ZFP90: variants seen among roughly 807,000 people sequenced by gnomAD.
The protein encoded by ZFP90 is ZFP90 zinc finger protein.
In ZFP90, 38 loss-of-function variants were observed where a neutral mutation model predicts 60.8. The ratio of observed to expected loss-of-function variants is 0.62; its 90% CI spans 0.48 to 0.82. The LOEUF is 0.82. Ranked by LOEUF, ZFP90 falls within the 40% of genes least tolerant of loss-of-function variation. ZFP90 has a pLI of 0.00. For missense variants in ZFP90, 711 were observed against 759.1 expected (o/e 0.94, Z 0.74); for synonymous variants, 287 against 264.8 (o/e 1.08, Z -0.82).
chr16:68,572,603 G>C (rs1207433562), intron 2 of ZFP90, among the ~76,000 whole-genome samples: 1 of 152,200 alleles, frequency 6.6e-6, no homozygotes. Context: ...ATCCAGAGGA[G>C]ATGGGCCTCA....
chr16:68,564,279 CAATGT>C lies in ZFP90; in HGVS notation c.1499_1503del (p.Asn500MetfsTer25). On this transcript the variant is annotated frameshift_variant, in exon 5 of 5. Coordinates refer to ENST00000563169, the MANE Select transcript of ZFP90 (RefSeq NM_001305203.2). LOFTEE classifies it high-confidence loss of function. Reference sequence around the variant, plus strand: ...TTCTCATCCTGGAGAGAAACCCTATCAATGTAATGTATGTGGGAAAGCTTTCAAAA... The same window carrying C: ...TTCTCATCCTGGAGAGAAACCCTATCAATGTATGTGGGAAAGCTTTCAAAA... The C allele has an allele frequency of 6.2e-7, 1 of 1,613,982 alleles. No homozygotes were observed. The highest frequency in any genetic ancestry group is 8.5e-7 in the Non-Finnish European group (1 of 1,179,974).
At chr16:68,569,440 G>A (rs2091555686), downstream of ZFP90, among the ~76,000 whole-genome samples, 1 of 152,132 alleles carries the variant, frequency 6.6e-6, no homozygotes, top group South Asian at 2.1e-4. Context: ...CAGCTGATTA[G>A]TCCCACTTTT....
chr16:68,553,711 C>T (rs1017759771), intron 2 of ZFP90, among the ~76,000 whole-genome samples: 3 of 152,106 alleles, frequency 2.0e-5, no homozygotes, highest in Non-Finnish European at 4.4e-5. Flanking sequence ...CTTGAACTCC[C>T]GGGCTCAAGC....
intron 3 of ZFP90, 70 bp downstream of exon 3, chr16:68,558,194 T>G: frequency 3.1e-6 from 5 of 1,590,800 alleles, no homozygotes; most frequent in Non-Finnish European, 4.3e-6. Flanking sequence ...ATAGTGGTGG[T>G]GCCCAGAGCT....
rs765427432 is a variant in ZFP90, at chr16:68,539,397, G to A, written c.-118G>A. On this transcript the variant is annotated 5_prime_UTR_variant, in exon 1 of 5. Coordinates refer to ENST00000563169, the MANE Select transcript of ZFP90 (RefSeq NM_001305203.2). Reference sequence around the variant, plus strand: ...CAGAATTGGAGATAACCGAGGCTTCGGCGGGGGCGGGAGGAGCTGCCCGAG... The same window carrying A: ...CAGAATTGGAGATAACCGAGGCTTCAGCGGGGGCGGGAGGAGCTGCCCGAG... 1 of 277,734 alleles carries A rather than the reference G, an allele frequency of 3.6e-6. No individual in the cohort carries two copies. The highest frequency in any genetic ancestry group is 5.3e-5 in the Admixed American group (1 of 18,840). The allele number at this position is 277,734 out of a possible 1,614,324, so 17.2% of individuals were successfully genotyped here. A position where few individuals can be genotyped will look rare whatever the true frequency, so the allele number is the denominator to read the frequency against.
At chr16:68,559,020 C>G (rs1336871178) in intron 4 of ZFP90, among the ~76,000 whole-genome samples, 4 of 152,182 alleles carry the variant, frequency 2.6e-5, no homozygotes, top group Non-Finnish European at 4.4e-5. Flanking sequence ...CCTTCCATCT[C>G]ATGTTCATGC....
chr16:68,572,685 G>A (rs2091574351), intron 2 of ZFP90, among the ~76,000 whole-genome samples: 2 of 152,198 alleles, frequency 1.3e-5, no homozygotes, highest in Non-Finnish European at 2.9e-5. Context: ...TGAGATATTG[G>A]GAGATCTGAA....
upstream of ZFP90, among the ~76,000 whole-genome samples, chr16:68,536,369 A>G (rs2090960788): frequency 6.6e-6 from 1 of 152,106 alleles, no homozygotes; most frequent in African/African-American, 2.4e-5. Context: ...CAGTGGCACG[A>G]TCTCAGCTCA....
At position 68,539,659 on chromosome 16, in the gene ZFP90, T is replaced by A. The variant is rs200513873; in HGVS notation, c.-35-99T>A. The A allele has an allele frequency of 2.2e-3, 1,914 of 887,498 alleles. 3 individuals are homozygous for A. Among genetic ancestry groups the A allele is most frequent in the Non-Finnish European group, 2.8e-3 (1,798 of 650,950 alleles). 55.0% of individuals were successfully genotyped at this position (887,498 alleles called of 1,614,324 possible). On this transcript the variant is annotated intron_variant, in intron 1 of 4. Coordinates refer to ENST00000563169, the MANE Select transcript of ZFP90 (RefSeq NM_001305203.2). ...TGGTTCCACGGTCCTCGCCACCATC[T>A]CCCCTGGAGATGTGGTTTAGGGGCG...
chr16:68,569,746 C>CA (rs60296047), downstream of ZFP90, among the ~76,000 whole-genome samples: 5,193 of 149,474 alleles, frequency 0.035, 280 homozygotes, highest in African/African-American at 0.12. Flanking sequence ...ACCAAAAATG[C>CA]AAAAAAAAAT....
upstream of ZFP90, among the ~76,000 whole-genome samples, chr16:68,534,863 T>C (rs1728782): frequency 0.77 from 116,374 of 151,854 alleles, 44,689 homozygotes; most frequent in East Asian, 0.82. Flanking sequence ...GCTGAGATCA[T>C]GCCACTGTAC....
At position 68,539,488 on chromosome 16, in the gene ZFP90, G is replaced by A. The variant is rs572394301; in HGVS notation, c.-36+9G>A. 1.2e-4 allele frequency: 55 copies of A among 442,490 alleles called. No homozygotes were observed. The East Asian group carries it at 1.9e-3, about 15-fold the overall frequency. The allele number at this position is 442,490 out of a possible 1,614,324, so 27.4% of individuals were successfully genotyped here. ...AGAGGCGGTGATTCTGAGTGCGCGG[G>A]TCTGGGCGGGACCCCTCCTGGGTTT... is the stretch of plus-strand genomic sequence containing the variant. On this transcript the variant is annotated intron_variant, in intron 1 of 4. Transcript: ENST00000563169.
rs114477322 is a variant in ZFP90 at position 68,561,878 on chromosome 16, C to A, written c.257-1166C>A. Reference sequence around the variant, plus strand: ...GTCTTATTGTGATTTCCTCTCTCAACATTTTATTAGGAACATTTTCAAATA... The same window carrying A: ...GTCTTATTGTGATTTCCTCTCTCAAAATTTTATTAGGAACATTTTCAAATA... On this transcript the variant is annotated intron_variant, in intron 4 of 4. Coordinates refer to ENST00000563169, the MANE Select transcript of ZFP90 (RefSeq NM_001305203.2). 3.6e-3 allele frequency among the ~76,000 whole-genome samples: 547 copies of A among 152,196 alleles called. 7 individuals carry two copies. Among genetic ancestry groups the A allele is most frequent in the African/African-American group, 0.013 (529 of 41,522 alleles).
chr16:68,553,789 T>A (rs7203363), intron 2 of ZFP90, among the ~76,000 whole-genome samples: 116,184 of 151,412 alleles, frequency 0.77, 44,638 homozygotes, highest in East Asian at 0.82. Context: ...CAGCTAATTT[T>A]AAAAAATTTG....
chr16:68,559,428 G>A (rs569721975), intron 4 of ZFP90, among the ~76,000 whole-genome samples: 2 of 152,058 alleles, frequency 1.3e-5, no homozygotes, highest in Non-Finnish European at 2.9e-5. Context: ...ATTTTTAATT[G>A]CTCAGGCTGG....
rs370865445 is a variant in ZFP90, at chr16:68,563,600, G to T, written c.813G>T (p.Glu271Asp). The change falls in exon 5 of 5, where the codon GAG (glutamate) becomes GAT (aspartate). Residue 271 changes from glutamate to aspartate, a missense_variant. Coordinates refer to ENST00000563169, the MANE Select transcript of ZFP90 (RefSeq NM_001305203.2). ...TTCTCTGGAAGACACAGCTTACTGA[G>T]CATCAGAGAATTCACACTGGGGAGA... ...KTFLWKTQLT[E>D]HQRIHTGEKP... 3.7e-6 allele frequency: 6 copies of T among 1,614,094 alleles called. No individual in the cohort carries two copies. The highest frequency in any genetic ancestry group is 5.1e-6 in the Non-Finnish European group (6 of 1,180,046).
intron 3 of ZFP90, 85 bp from the exon 4 acceptor site, chr16:68,558,388 C>A: frequency 1.6e-6 from 2 of 1,284,420 alleles, no homozygotes; most frequent in East Asian, 2.3e-5. Flanking sequence ...TCCTGAGGAT[C>A]AAGGACTAGT....
chr16:68,549,638 C>T (rs2091218679), intron 2 of ZFP90, among the ~76,000 whole-genome samples: 1 of 134,810 alleles, frequency 7.4e-6, no homozygotes, highest in Non-Finnish European at 1.5e-5. Flanking sequence ...GAGATCGTGC[C>T]ACTGCACTCC....
chr16:68,573,148 G>A (rs1052609130), intron 2 of ZFP90, among the ~76,000 whole-genome samples: 1 of 152,228 alleles, frequency 6.6e-6, no homozygotes, highest in African/African-American at 2.4e-5. Context: ...CCCTGTACCT[G>A]GAGCTCCTGG....
Sources: allele counts gnomAD v4.1 joint callset (sites outside exome capture counted in the v4.1 genomes callset), GRCh38; gene constraint gnomAD v4.1.1; transcripts MANE v1.5; gene names NCBI Gene and HGNC (gene_info 2026-07-23, HGNC 2026-07-21).